FRYL: variants seen among roughly 807,000 people sequenced by gnomAD.
The protein encoded by FRYL is protein furry homolog-like.
Under a neutral mutation model 351.2 loss-of-function variants are expected in FRYL, and 150 were observed. The observed-to-expected ratio is 0.43, with a 90% CI of 0.37 to 0.49. FRYL has a LOEUF of 0.49. Ranked by LOEUF, FRYL falls within the 20% of genes least tolerant of loss-of-function variation. The pLI, the probability that FRYL is intolerant of heterozygous loss-of-function variation, is 0.00. For synonymous variants in FRYL, 1,153 were observed against 1,257.1 expected (o/e 0.92, Z 1.75); for missense variants, 3,036 against 3,619.3 (o/e 0.84, Z 4.13).
At chr4:48,513,325 C>T (rs1226106885) in intron 56 of FRYL, among the ~76,000 whole-genome samples, 1 of 152,138 alleles carries the variant, frequency 6.6e-6, no homozygotes, top group Non-Finnish European at 1.5e-5. Flanking sequence ...ATTTCATAAG[C>T]ATATACTATG....
intron 1 of FRYL, among the ~76,000 whole-genome samples, chr4:48,776,346 A>C (rs1177020808): frequency 6.6e-6 from 1 of 152,206 alleles, no homozygotes; most frequent in South Asian, 2.1e-4. Context: ...CAAGCATGTG[A>C]AACTTTGATA....
chr4:48,650,931 G>GT (rs1372946369), intron 3 of FRYL, among the ~76,000 whole-genome samples: 1 of 152,164 alleles, frequency 6.6e-6, no homozygotes, highest in East Asian at 1.9e-4. Context: ...AGGGGTTGGG[G>GT]TGAAAGAGGC....
intron 1 of FRYL, among the ~76,000 whole-genome samples, chr4:48,758,625 T>C (rs1030771427): frequency 1.2e-4 from 18 of 152,212 alleles, no homozygotes; most frequent in Non-Finnish European, 2.1e-4. Context: ...ACTTTTACAC[T>C]GTTGGTGGGA....
chr4:48,662,782 AAAGC>A (rs1459425061), intron 3 of FRYL, among the ~76,000 whole-genome samples: 2 of 151,634 alleles, frequency 1.3e-5, no homozygotes, highest in Non-Finnish European at 2.9e-5. Context: ...AAAAAAAAAA[AAAGC>A]AGGAAATTAT....
chr4:48,657,912 G>T (rs556222140), intron 3 of FRYL, among the ~76,000 whole-genome samples: 1 of 152,308 alleles, frequency 6.6e-6, no homozygotes, highest in South Asian at 2.1e-4. Flanking sequence ...TAGAAAGTAG[G>T]TTTCCCTATT....
intron 59 of FRYL, among the ~76,000 whole-genome samples, chr4:48,507,116 ATAAT>A (rs1721255381): frequency 6.6e-6 from 1 of 152,202 alleles, no homozygotes; most frequent in African/African-American, 2.4e-5. Flanking sequence ...AAATTTGAAA[ATAAT>A]TTCAGTTGAT....
chr4:48,659,334 CTAAG>C (rs1354242252), intron 3 of FRYL, among the ~76,000 whole-genome samples: 1 of 145,436 alleles, frequency 6.9e-6, no homozygotes, highest in Non-Finnish European at 1.5e-5. Context: ...CACTGGGCAA[CTAAG>C]TGAGACTCTT....
chr4:48,586,848 T>C (rs1382288786), intron 18 of FRYL, 120 bp from the exon 19 acceptor site: 1 of 608,862 alleles, frequency 1.6e-6, no homozygotes, highest in Non-Finnish European at 2.8e-6. Context: ...GTATTTAATA[T>C]TTTAAAAATG....
intron 3 of FRYL, among the ~76,000 whole-genome samples, chr4:48,660,667 T>C (rs1257671652): frequency 6.6e-6 from 1 of 152,180 alleles, no homozygotes; most frequent in Admixed American, 6.5e-5. Context: ...TGGAGAAACC[T>C]GACAAACACT....
At chr4:48,532,371 T>G (rs530395464) in intron 49 of FRYL, among the ~76,000 whole-genome samples, 10 of 152,296 alleles carry the variant, frequency 6.6e-5, no homozygotes, top group African/African-American at 2.4e-4. Context: ...AAAAAGTAGT[T>G]TAAAGGCCGG....
chr4:48,597,488 G>A (rs1031237911), intron 13 of FRYL, among the ~76,000 whole-genome samples: 2 of 152,000 alleles, frequency 1.3e-5, no homozygotes, highest in African/African-American at 4.8e-5. Flanking sequence ...GATTACGGGG[G>A]AAGCTAGGTA....
chr4:48,708,350 C>T (rs1380698954), intron 2 of FRYL, among the ~76,000 whole-genome samples: 1 of 151,916 alleles, frequency 6.6e-6, no homozygotes, highest in African/African-American at 2.4e-5. Context: ...ACCTGTCATC[C>T]CAGCTACTCG....
chr4:48,616,176 C>T (rs1285263526), intron 7 of FRYL, among the ~76,000 whole-genome samples: 7 of 151,432 alleles, frequency 4.6e-5, no homozygotes, highest in Admixed American at 1.3e-4. Flanking sequence ...ATGTAAAAAA[C>T]CTGCATGTGC....
In FRYL at chr4:48,536,233, GA is replaced by G. The variant is rs202218128; in HGVS notation, c.6394-407del. Among the ~76,000 whole-genome samples the G allele has an allele frequency of 8.2e-3, 1,253 of 152,294 alleles. 16 individuals carry two copies. The highest frequency in any genetic ancestry group is 0.013 in the Non-Finnish European group (889 of 68,034). Reference sequence around the variant, plus strand: ...TCTCAGGGAGGCTCCGAGCTGCTGTGACTGGGAGGAAATGCTTCAGCCTCCA... The same window carrying G: ...TCTCAGGGAGGCTCCGAGCTGCTGTGCTGGGAGGAAATGCTTCAGCCTCCA... On this transcript the variant is annotated intron_variant, in intron 47 of 63. Transcript: ENST00000358350.
chr4:48,522,631 C>T (rs1426678117), intron 54 of FRYL, among the ~76,000 whole-genome samples: 1 of 152,180 alleles, frequency 6.6e-6, no homozygotes, highest in Non-Finnish European at 1.5e-5. Context: ...TATGTTATCA[C>T]TGAAGGCCTC....
intron 3 of FRYL, among the ~76,000 whole-genome samples, chr4:48,670,561 T>C (rs1218389832): frequency 6.6e-6 from 1 of 152,032 alleles, no homozygotes; most frequent in Non-Finnish European, 1.5e-5. Flanking sequence ...TTTGTAACTA[T>C]TGACCATCTC....
chr4:48,713,228 A>G (rs1768314178), intron 1 of FRYL, among the ~76,000 whole-genome samples: 1 of 152,080 alleles, frequency 6.6e-6, no homozygotes, highest in Non-Finnish European at 1.5e-5. Flanking sequence ...CACACATAAC[A>G]CTATTAACTT....
At chr4:48,514,955 G>C in intron 56 of FRYL, 73 bp downstream of exon 56, 1 of 1,290,342 alleles carries the variant, frequency 7.7e-7, no homozygotes, top group Non-Finnish European at 1.1e-6. Flanking sequence ...AACTGAAACA[G>C]AGGGGCACTC....
intron 2 of FRYL, among the ~76,000 whole-genome samples, chr4:48,687,693 A>G (rs1765291624): frequency 6.6e-6 from 1 of 152,194 alleles, no homozygotes; most frequent in African/African-American, 2.4e-5. Context: ...TCTGATATAC[A>G]TTAACACAGG....
Sources: allele counts gnomAD v4.1 joint callset (sites outside exome capture counted in the v4.1 genomes callset), GRCh38; gene constraint gnomAD v4.1.1; transcripts MANE v1.5; gene names NCBI Gene and HGNC (gene_info 2026-07-23, HGNC 2026-07-21).